CMSS1: variants seen among roughly 807,000 people sequenced by gnomAD.
CMSS1 encodes the protein protein CMSS1.
CMSS1 carries 33 observed loss-of-function variants against 43.5 expected under a neutral mutation model. The observed-to-expected ratio is 0.76, with a 90% confidence interval of 0.57 to 1.01. CMSS1 has a LOEUF of 1.01. CMSS1 is among the 50% of genes least tolerant of loss of function. The pLI, the probability that CMSS1 is intolerant of heterozygous loss-of-function variation, is 0.00. For synonymous variants in CMSS1, 115 were observed against 117.2 expected (o/e 0.98, Z 0.12); for missense variants, 313 against 326.4 (o/e 0.96, Z 0.32).
intron 1 of CMSS1, among the ~76,000 whole-genome samples, chr3:99,859,280 T>C (rs1214876917): frequency 1.3e-5 from 2 of 152,224 alleles, no homozygotes; most frequent in Admixed American, 6.5e-5. Context: ...AGTTCTTTTT[T>C]CCCCAAAACC....
chr3:99,840,527 A>G (rs1303488847), intron 1 of CMSS1, among the ~76,000 whole-genome samples: 1 of 152,160 alleles, frequency 6.6e-6, no homozygotes, highest in Admixed American at 6.5e-5. Flanking sequence ...CAGCCAATTC[A>G]TAGAATCTTA....
chr3:99,841,246 C>A (rs184382676), intron 1 of CMSS1, among the ~76,000 whole-genome samples: 1 of 152,334 alleles, frequency 6.6e-6, no homozygotes, highest in Admixed American at 6.5e-5. Context: ...TACATTTGAA[C>A]AATTATATTT....
At chr3:100,005,317 C>T (rs1269286895) in intron 1 of CMSS1, among the ~76,000 whole-genome samples, 1 of 152,182 alleles carries the variant, frequency 6.6e-6, no homozygotes, top group East Asian at 1.9e-4. Flanking sequence ...CTCAAACAGG[C>T]TGTCTTGAAA....
intron 1 of CMSS1, chr3:99,833,082 C>T (rs1447258205): frequency 4.4e-6 from 3 of 683,230 alleles, no homozygotes; most frequent in Non-Finnish European, 5.2e-6. Flanking sequence ...GTTGGAGGCT[C>T]CTGGGTTTCA....
intron 1 of CMSS1, among the ~76,000 whole-genome samples, chr3:100,129,216 C>G (rs1279419564): frequency 6.6e-6 from 1 of 152,216 alleles, no homozygotes; most frequent in East Asian, 1.9e-4. Context: ...AGAACCACAT[C>G]TTCTTCATCT....
intron 1 of CMSS1, among the ~76,000 whole-genome samples, chr3:99,877,933 A>G (rs1430904203): frequency 1.3e-5 from 2 of 152,198 alleles, no homozygotes; most frequent in East Asian, 3.8e-4. Context: ...CTAACATTTA[A>G]CACTACCATT....
intron 1 of CMSS1, among the ~76,000 whole-genome samples, chr3:100,069,064 A>G (rs993040011): frequency 3.3e-5 from 5 of 152,140 alleles, no homozygotes; most frequent in African/African-American, 1.2e-4. Flanking sequence ...AGATCAGTTG[A>G]TATACTTGAA....
At chr3:99,980,912 C>T (rs1489595568) in intron 1 of CMSS1, among the ~76,000 whole-genome samples, 1 of 152,114 alleles carries the variant, frequency 6.6e-6, no homozygotes, top group Non-Finnish European at 1.5e-5. Flanking sequence ...GTACTTGAAA[C>T]CCTTCAATAC....
At chr3:99,917,284 A>C (rs996994907) in intron 1 of CMSS1, among the ~76,000 whole-genome samples, 15 of 152,152 alleles carry the variant, frequency 9.9e-5, no homozygotes, top group African/African-American at 9.7e-5. Flanking sequence ...GAACACCTGC[A>C]TTCTTCCTAA....
At chr3:100,114,271 C>T (rs1408023942) in intron 1 of CMSS1, 2 of 151,816 alleles carry the variant, frequency 1.3e-5, no homozygotes, top group Non-Finnish European at 2.9e-5. Flanking sequence ...AGCCCAACAA[C>T]AAGTAGGCCC....
At chr3:99,933,531 A>G (rs1034275211) in intron 1 of CMSS1, among the ~76,000 whole-genome samples, 2 of 152,194 alleles carry the variant, frequency 1.3e-5, no homozygotes, top group Non-Finnish European at 2.9e-5. Flanking sequence ...AAAAAAGACA[A>G]AAATGAAAAA....
intron 1 of CMSS1, among the ~76,000 whole-genome samples, chr3:100,099,940 A>G (rs1368858110): frequency 1.3e-5 from 2 of 152,212 alleles, no homozygotes; most frequent in African/African-American, 4.8e-5. Context: ...AGTGTTATAA[A>G]GATCATCCAT....
At chr3:99,833,732 G>A (rs1942781478) in intron 1 of CMSS1, among the ~76,000 whole-genome samples, 1 of 152,270 alleles carries the variant, frequency 6.6e-6, no homozygotes, top group Non-Finnish European at 1.5e-5. Flanking sequence ...TAGCTCTAGA[G>A]GTTGAGAAGT....
chr3:100,154,382 A>G (rs2066952079), intron 2 of CMSS1, among the ~76,000 whole-genome samples: 1 of 151,840 alleles, frequency 6.6e-6, no homozygotes, highest in African/African-American at 2.4e-5. Flanking sequence ...GTCATCTTCA[A>G]TTTCATAAAA....
chr3:100,177,454 CA>C (rs2067156721), intron 9 of CMSS1, among the ~76,000 whole-genome samples: 1 of 152,094 alleles, frequency 6.6e-6, no homozygotes, highest in African/African-American at 2.4e-5. Context: ...GAGAAATGTC[CA>C]AAAACATCTT....
chr3:100,064,627 G>A (rs1247165449), intron 1 of CMSS1, among the ~76,000 whole-genome samples: 3 of 152,166 alleles, frequency 2.0e-5, no homozygotes, highest in Non-Finnish European at 4.4e-5. Flanking sequence ...AGGGAGACTG[G>A]CAAAAGGGCT....
At chr3:99,921,209 C>T (rs1444042499) in intron 1 of CMSS1, among the ~76,000 whole-genome samples, 1 of 152,130 alleles carries the variant, frequency 6.6e-6, no homozygotes, top group Non-Finnish European at 1.5e-5. Flanking sequence ...GTGTGTTTTG[C>T]CATGTCACTT....
At chr3:100,178,236 T>A in intron 9 of CMSS1, 69 bp from the exon 10 acceptor site, 1 of 894,268 alleles carries the variant, frequency 1.1e-6, no homozygotes, top group Non-Finnish European at 1.8e-6. Flanking sequence ...GTCCTGATGG[T>A]TGAATGTATT....
rs186441043 is a variant in CMSS1 at position 99,933,492 on chromosome 3, G to A, written c.64+115449G>A. The stretch of plus-strand genomic sequence containing the variant: ...ATAAAAATATTCATGTACTACCACA[G>A]TATATTATGTGCTTTATAAAAAACA... On this transcript the variant is annotated intron_variant, in intron 1 of 9. Coordinates refer to ENST00000421999, the MANE Select transcript of CMSS1 (RefSeq NM_032359.4). 1.6e-3 allele frequency among the ~76,000 whole-genome samples: 247 copies of A among 152,222 alleles called. 1 individual carries two copies. Among genetic ancestry groups the A allele is most frequent in the Middle Eastern group, 0.014 (4 of 294 alleles).
Sources: gnomAD v4.1 joint callset for allele counts (sites outside exome capture counted in the v4.1 genomes callset) on GRCh38, gnomAD v4.1.1 for gene constraint, MANE v1.5 for transcripts, NCBI Gene and HGNC (gene_info 2026-07-23, HGNC 2026-07-21) for gene names.